DST: variants seen among roughly 807,000 people sequenced by gnomAD.
DST encodes the protein dystonin.
A neutral mutation model predicts 875.2 loss-of-function variants in DST; 253 were observed. The ratio of observed to expected loss-of-function variants is 0.29; its 90% CI spans 0.26 to 0.32. The LOEUF is 0.32. Among genes scored for constraint, DST ranks in the 10% least tolerant of loss-of-function variants. The pLI, the probability that DST is intolerant of heterozygous loss-of-function variation, is 1.00. For synonymous variants in DST, 3,124 were observed against 3,197.1 expected (o/e 0.98, Z 0.77); for missense variants, 8,287 against 9,111.6 (o/e 0.91, Z 3.68).
At chr6:56,584,397 C>T (rs2098098667) in intron 49 of DST, among the ~76,000 whole-genome samples, 1 of 152,024 alleles carries the variant, frequency 6.6e-6, no homozygotes, top group African/African-American at 2.4e-5. Context: ...CTCTGTTTGT[C>T]TGTTATGGGT....
At chr6:56,753,803 A>G (rs187630049) in intron 4 of DST, among the ~76,000 whole-genome samples, 1 of 152,220 alleles carries the variant, frequency 6.6e-6, no homozygotes, top group Non-Finnish European at 1.5e-5. Context: ...ATGAGTAAGC[A>G]CAAGTTAACA....
chr6:56,763,390 G>A (rs1290058056), intron 4 of DST, among the ~76,000 whole-genome samples: 1 of 152,000 alleles, frequency 6.6e-6, no homozygotes, highest in Non-Finnish European at 1.5e-5. Context: ...TATAGGGATG[G>A]GCCAGGCATG....
chr6:56,878,793 T>C (rs926774293), intron 3 of DST, among the ~76,000 whole-genome samples: 2 of 152,084 alleles, frequency 1.3e-5, no homozygotes, highest in Non-Finnish European at 2.9e-5. Context: ...CAACCACGTC[T>C]TTTGCCACTG....
rs373457032 is a variant in DST, at chr6:56,827,557, G to A, written c.625+23840C>T. On this transcript the variant is annotated intron_variant, in intron 4 of 103. Transcript: ENST00000680361. ...AAACAATAGCAACAATATTATCAAT[G>A]TAAAACATATATTGACATTTTGTAG... is the stretch of plus-strand genomic sequence containing the variant. Among the ~76,000 whole-genome samples, 53 of 147,206 alleles carry A rather than the reference G, an allele frequency of 3.6e-4. No individual in the cohort carries two copies. In the East Asian group the frequency reaches 5.4e-3, roughly 15 times the overall value.
chr6:56,793,490 A>C (rs1441398367), intron 4 of DST, among the ~76,000 whole-genome samples: 1 of 152,232 alleles, frequency 6.6e-6, no homozygotes, highest in African/African-American at 2.4e-5. Context: ...AGTTTTTCAA[A>C]ATAAAATGTT....
chr6:56,606,139 T>C lies in DST; in HGVS notation c.8489A>G (p.Asn2830Ser). The change falls in exon 40 of 104, where the codon AAT (asparagine) becomes AGT (serine). Residue 2830 changes from asparagine to serine, a missense_variant. Physicochemically the swap from Asn to Ser is conservative, Grantham distance 46. Transcript: ENST00000680361. ...RDENGKPRCQ[N>S]VAEDMDIQLC... Reference sequence around the variant, plus strand: ...CTGGATATCCATATCTTCAGCCACATTTTGGCACCTGGGCTTTCCATTCTC... The same window carrying C: ...CTGGATATCCATATCTTCAGCCACACTTTGGCACCTGGGCTTTCCATTCTC... 1 of 1,611,822 alleles carries C rather than the reference T, an allele frequency of 6.2e-7. No homozygotes were observed.
intron 2 of DST, among the ~76,000 whole-genome samples, chr6:56,946,232 C>T (rs1038670658): frequency 1.3e-5 from 2 of 151,964 alleles, no homozygotes; most frequent in Non-Finnish European, 2.9e-5. Flanking sequence ...GAATCAGTGG[C>T]CAATAGTATC....
In DST at chr6:56,492,310, C is replaced by A. The variant is rs777521428; in HGVS notation, c.20674G>T (p.Val6892Leu). ...VVLIKNLLISVQSRWEKVVQR... is the reference protein window; with the variant it reads ...VVLIKNLLISLQSRWEKVVQR... ...ACCACTTTTTCCCATCGACTTTGTA[C>A]ACTGATAAGTAGATTCTTGATTAGA... Residue 6892 changes from valine (V) to leucine (L), a missense_variant, in exon 85 of 104, where the codon GTA (valine) becomes TTA (leucine). Around this residue, in one of 10 missense-constraint regions of DST, gnomAD observed 1,292 missense variants for 1,552.7 expected, o/e 0.83. Coordinates refer to ENST00000680361, the MANE Select transcript of DST (RefSeq NM_001374736.1). The A allele has an allele frequency of 3.7e-6, 6 of 1,613,722 alleles. No homozygotes were observed. The highest frequency in any genetic ancestry group is 3.3e-5 in the South Asian group (3 of 91,082).
chr6:56,596,248 C>T (rs928382419), intron 47 of DST, among the ~76,000 whole-genome samples: 8 of 151,956 alleles, frequency 5.3e-5, no homozygotes, highest in Admixed American at 2.6e-4. Context: ...AGGATGGTCT[C>T]AATCTCCTGA....
intron 3 of DST, among the ~76,000 whole-genome samples, chr6:56,860,399 A>G (rs538590836): frequency 6.6e-6 from 1 of 152,214 alleles, no homozygotes; most frequent in African/African-American, 2.4e-5. Context: ...AAAATATTTC[A>G]ATTAAATGGA....
chr6:56,611,373 C>T (rs1251229810), intron 38 of DST, 135 bp downstream of exon 38: 2 of 626,726 alleles, frequency 3.2e-6, no homozygotes, highest in South Asian at 1.8e-5. Flanking sequence ...ATACTCTTTA[C>T]ATTACTATAT....
chr6:56,483,693 T>C (rs976205995), intron 88 of DST: 7 of 152,012 alleles, frequency 4.6e-5, no homozygotes, highest in African/African-American at 1.7e-4. Flanking sequence ...CTTTCAAACA[T>C]TAATAACCAA....
At position 56,929,329 on chromosome 6, in the gene DST, G is replaced by A. The variant is rs138836466; in HGVS notation, c.216+24456C>T. Among the ~76,000 whole-genome samples the A allele has an allele frequency of 6.6e-5, 10 of 152,100 alleles. No individual in the cohort carries two copies. The East Asian group carries it at 1.2e-3, about 18-fold the overall frequency. ...AAAAATCCCAAATACATTAATAGGC[G>A]GATGATTAGCTAAATTATGTTCATG... On this transcript the variant is annotated intron_variant, in intron 2 of 103. Coordinates refer to ENST00000680361, the MANE Select transcript of DST (RefSeq NM_001374736.1).
chr6:56,704,156 G>T, intron 6 of DST, 124 bp downstream of exon 6: 1 of 483,722 alleles, frequency 2.1e-6, no homozygotes, highest in Non-Finnish European at 3.6e-6. Flanking sequence ...TCTTTTTCAG[G>T]CAGAATTCAT....
intron 4 of DST, among the ~76,000 whole-genome samples, chr6:56,782,588 A>G (rs1267623230): frequency 6.6e-6 from 1 of 151,828 alleles, no homozygotes; most frequent in Non-Finnish European, 1.5e-5. Context: ...ATCATTTTTT[A>G]TTGCATCTAT....
At chr6:56,935,479 T>G (rs891399132) in intron 2 of DST, among the ~76,000 whole-genome samples, 1 of 152,276 alleles carries the variant, frequency 6.6e-6, no homozygotes, top group Admixed American at 6.5e-5. Context: ...AATGGTCTAC[T>G]GCTTAATTAC....
At chr6:56,878,848 C>A (rs144958678) in intron 3 of DST, among the ~76,000 whole-genome samples, 2 of 152,194 alleles carry the variant, frequency 1.3e-5, no homozygotes, top group East Asian at 3.9e-4. Context: ...AAAATATTAA[C>A]GTTGAATATG....
chr6:56,832,337 C>T (rs902892309), intron 4 of DST, among the ~76,000 whole-genome samples: 1 of 152,142 alleles, frequency 6.6e-6, no homozygotes, highest in Non-Finnish European at 1.5e-5. Flanking sequence ...GTAACTAGAA[C>T]TTACTAGTTC....
chr6:56,938,082 T>TTC (rs144019912), intron 2 of DST, among the ~76,000 whole-genome samples: 422 of 131,654 alleles, frequency 3.2e-3, no homozygotes, highest in Non-Finnish European at 4.3e-3. Context: ...CTCTCTCTCT[T>TTC]TCTCTCTCTC....
Sources: gnomAD v4.1 joint callset for allele counts (sites outside exome capture counted in the v4.1 genomes callset) on GRCh38, gnomAD v4.1.1 for gene constraint, gnomAD v4.1.1 regional missense constraint, MANE v1.5 for transcripts, NCBI Gene and HGNC (gene_info 2026-07-23, HGNC 2026-07-21) for gene names.